VPS36: variants seen among roughly 807,000 people sequenced by gnomAD.
The protein encoded by VPS36 is vacuolar protein sorting 36 homolog, also known as vacuolar protein-sorting-associated protein 36.
Under a neutral mutation model 63.5 loss-of-function variants are expected in VPS36, and 31 were observed. The observed-to-expected ratio is 0.49, with a 90% confidence interval of 0.37 to 0.66. The LOEUF is 0.66. VPS36 is among the 30% of genes least tolerant of loss of function. VPS36 has a pLI of 0.00. For missense variants in VPS36, 338 were observed against 463.7 expected (o/e 0.73, Z 2.49); for synonymous variants, 138 against 157.2 (o/e 0.88, Z 0.91).
At chr13:52,434,963 CTTTTTTTCTTTTTTTT>C (rs1958199225) in intron 4 of VPS36, 81 bp from the exon 5 acceptor site, 1 of 1,048,270 alleles carries the variant, frequency 9.5e-7, no homozygotes, top group Admixed American at 2.9e-5. Context: ...ACATTTCTTT[CTTTTTTTCTTTTTTTT>C]TTTTTTTTTG....
rs1381632972 is a variant in VPS36, at chr13:52,436,318, A to G, written c.323T>C (p.Leu108Pro). ...AATCTGGCCATGTTCTTTGAAGGAGAGTTTGATGTAGGAGTTCTTACTACT... is the reference window on the plus strand; with the variant it reads ...AATCTGGCCATGTTCTTTGAAGGAGGGTTTGATGTAGGAGTTCTTACTACT... The part of the protein sequence containing the change: ...FQSSKNSYIK[L>P]SFKEHGQIEF... The change falls in exon 4 of 14, where the codon CTC becomes CCC. Residue 108 changes from leucine (L) to proline (P), a missense_variant. Coordinates refer to ENST00000378060, the MANE Select transcript of VPS36 (RefSeq NM_016075.4). 6.2e-7 allele frequency: 1 copy of G among 1,612,202 alleles called. No homozygotes were observed. Among genetic ancestry groups the G allele is most frequent in the Non-Finnish European group, 8.5e-7 (1 of 1,179,442 alleles).
chr13:52,431,955 C>T (rs1958162849), intron 6 of VPS36, among the ~76,000 whole-genome samples: 1 of 151,848 alleles, frequency 6.6e-6, no homozygotes, highest in African/African-American at 2.4e-5. Flanking sequence ...TCCCACTGGC[C>T]AAAGATGGGA....
At chr13:52,444,400 C>A (rs1220687453) in intron 1 of VPS36, among the ~76,000 whole-genome samples, 1 of 151,440 alleles carries the variant, frequency 6.6e-6, no homozygotes, top group Non-Finnish European at 1.5e-5. Context: ...GCGGAGCTTG[C>A]AGTGAGCCGA....
At chr13:52,417,812 C>T (rs1277216183) in intron 11 of VPS36, among the ~76,000 whole-genome samples, 180 bp downstream of exon 11, 3 of 152,208 alleles carry the variant, frequency 2.0e-5, no homozygotes, top group African/African-American at 2.4e-5. Context: ...CCCAAATCCA[C>T]AAGAGTCTGA....
At chr13:52,421,046 G>A (rs948879882) in intron 10 of VPS36, among the ~76,000 whole-genome samples, 3 of 152,088 alleles carry the variant, frequency 2.0e-5, no homozygotes, top group African/African-American at 4.8e-5. Context: ...GCTTGAACCC[G>A]GGAGGCAGAG....
intron 3 of VPS36, 90 bp from the exon 4 acceptor site, chr13:52,436,494 A>G: frequency 5.3e-6 from 5 of 935,464 alleles, no homozygotes; most frequent in Non-Finnish European, 8.1e-6. Context: ...ATTTCAAATC[A>G]CTTTTAAAAT....
At chr13:52,449,395 G>T (rs1210453246) in intron 1 of VPS36, among the ~76,000 whole-genome samples, 1 of 152,116 alleles carries the variant, frequency 6.6e-6, no homozygotes. Flanking sequence ...GTGAAGTTAG[G>T]TCCAAGCAAA....
chr13:52,430,758 A>T (rs964383417), intron 6 of VPS36, among the ~76,000 whole-genome samples: 3 of 152,150 alleles, frequency 2.0e-5, no homozygotes, highest in Non-Finnish European at 4.4e-5. Context: ...ATACACAGAC[A>T]CATTCTAGTA....
chr13:52,441,245 C>T (rs1958273211), intron 2 of VPS36, among the ~76,000 whole-genome samples: 1 of 152,162 alleles, frequency 6.6e-6, no homozygotes, highest in Admixed American at 6.5e-5. Context: ...TAATGGTTAG[C>T]AGCCCTTCAA....
At chr13:52,428,608 G>A (rs561032185) in intron 6 of VPS36, among the ~76,000 whole-genome samples, 19 of 152,300 alleles carry the variant, frequency 1.2e-4, no homozygotes, top group Middle Eastern at 3.4e-3. Context: ...AACTCTGGGC[G>A]CCAGCTCTGA....
At chr13:52,450,391 G>A (rs1301703471) in intron 1 of VPS36, 108 bp downstream of exon 1, 3 of 1,306,412 alleles carry the variant, frequency 2.3e-6, no homozygotes, top group Non-Finnish European at 2.0e-6. Flanking sequence ...AGGGCCGTGA[G>A]CTAAGCCGGG....
Position 52,426,849 on chromosome 13 carries a change from C to T in VPS36, c.639+140G>A, listed in dbSNP as rs908830880. 8.7e-6 allele frequency: 5 copies of T among 574,004 alleles called. 1 individual carries two copies. In the East Asian group the frequency reaches 1.0e-4, roughly 11 times the overall value. 35.6% of individuals were successfully genotyped at this position (574,004 alleles called of 1,614,324 possible). On this transcript the variant is annotated intron_variant, in intron 8 of 13. Transcript: ENST00000378060. The stretch of plus-strand genomic sequence containing the variant: ...CAGCCTGGGCGACGGAGCGACACTC[C>T]GTCTCATAAATAAATAAACAATAAA...
chr13:52,422,808 A>G (rs2137777709), intron 10 of VPS36, among the ~76,000 whole-genome samples: 1 of 152,352 alleles, frequency 6.6e-6, no homozygotes, highest in East Asian at 1.9e-4. Context: ...ATAAATGTTT[A>G]AAGTGATGAA....
intron 10 of VPS36, 93 bp from the exon 11 acceptor site, chr13:52,418,149 T>G (rs1329306901): frequency 2.6e-6 from 3 of 1,165,860 alleles, no homozygotes; most frequent in Non-Finnish European, 3.6e-6. Context: ...ATCAATAATT[T>G]TAGGTGATTT....
chr13:52,443,895 A>T (rs758839965), intron 1 of VPS36, among the ~76,000 whole-genome samples: 9 of 152,152 alleles, frequency 5.9e-5, no homozygotes, highest in Non-Finnish European at 1.2e-4. Flanking sequence ...CAAGATATAT[A>T]TTGGAAGCTA....
rs74534001 is a variant in VPS36, at chr13:52,438,540, C to T, written c.236+558G>A. Among the ~76,000 whole-genome samples the T allele has an allele frequency of 7.4e-3, 1,125 of 152,278 alleles. 6 individuals carry two copies. Among genetic ancestry groups the T allele is most frequent in the African/African-American group, 0.017 (702 of 41,562 alleles). Reference sequence around the variant, plus strand: ...ATATTTGTTCATGTCTCCTCAATTACATTCACTTAAAATATAAAGCCAAGT... The same window carrying T: ...ATATTTGTTCATGTCTCCTCAATTATATTCACTTAAAATATAAAGCCAAGT... On this transcript the variant is annotated intron_variant, in intron 3 of 13. Coordinates refer to ENST00000378060, the MANE Select transcript of VPS36 (RefSeq NM_016075.4).
chr13:52,416,030 G>C lies in VPS36; in HGVS notation c.1054C>G (p.Leu352Val). 6.2e-7 allele frequency: 1 copy of C among 1,613,936 alleles called. No homozygotes were observed. The highest frequency in any genetic ancestry group is 8.5e-7 in the Non-Finnish European group (1 of 1,179,954). Residue 352 changes from leucine (L) to valine (V), a missense_variant, in exon 13 of 14, where the codon CTA becomes GTA. Physicochemically the swap from Leu to Val is conservative, Grantham distance 32 (BLOSUM62 1). Coordinates refer to ENST00000378060, the MANE Select transcript of VPS36 (RefSeq NM_016075.4). ...AACCTTACTTACCTTTCTTTGGCTA[G>C]GAGGACAGACATTCCCACAAGCTTA... ...FAKLVGMSVL[L>V]AKERLLLAEK...
chr13:52,442,513 A>G (rs758253996), intron 1 of VPS36, 68 bp from the exon 2 acceptor site: 22 of 1,335,642 alleles, frequency 1.6e-5, no homozygotes, highest in Non-Finnish European at 2.2e-5. Context: ...TTTCTTCTTC[A>G]TGAATTATAC....
At chr13:52,450,157 C>A in intron 1 of VPS36, 1 of 1,006,484 alleles carries the variant, frequency 9.9e-7, no homozygotes, top group East Asian at 1.0e-4. Context: ...GGATCGCCGC[C>A]CGGCGCCCGC....
Sources: allele counts gnomAD v4.1 joint callset (sites outside exome capture counted in the v4.1 genomes callset), GRCh38; gene constraint gnomAD v4.1.1; transcripts MANE v1.5; gene names NCBI Gene and HGNC (gene_info 2026-07-23, HGNC 2026-07-21).